The following STPG2 variants were observed in gnomAD, a reference collection of about 807,000 sequenced individuals.
The protein encoded by STPG2 is sperm-tail PG-rich repeat-containing protein 2.
STPG2 carries 56 observed loss-of-function variants against 54.2 expected under a neutral mutation model. The observed-to-expected ratio is 1.03, with a 90% CI of 0.83 to 1.29. The LOEUF is 1.29. STPG2 is among the 50% of genes most tolerant of loss of function. STPG2 has a pLI of 0.00. For missense variants in STPG2, 596 were observed against 544.9 expected, an observed-to-expected ratio of 1.09 and a Z score of -0.93; for synonymous variants, 200 against 181.8, an observed-to-expected ratio of 1.10 and a Z score of -0.81.
intron 5 of STPG2, among the ~76,000 whole-genome samples, chr4:98,068,458 T>C (rs1357404635): frequency 1.3e-5 from 2 of 152,260 alleles, no homozygotes; most frequent in Admixed American, 6.6e-5. Flanking sequence ...TAGAAGCTTA[T>C]TAAATATCTG....
intron 8 of STPG2, among the ~76,000 whole-genome samples, chr4:97,879,082 C>T (rs1033732328): frequency 2.0e-5 from 3 of 152,272 alleles, no homozygotes; most frequent in East Asian, 3.9e-4. Flanking sequence ...ACTCCAGTTC[C>T]CAACAAGTTC....
intron 10 of STPG2, among the ~76,000 whole-genome samples, chr4:97,652,035 T>C (rs573415823): frequency 6.6e-6 from 1 of 151,958 alleles, no homozygotes; most frequent in Non-Finnish European, 1.5e-5. Context: ...CTGCCTGACA[T>C]ATAATAAAAA....
chr4:97,894,513 T>TC (rs1730888658), intron 8 of STPG2, among the ~76,000 whole-genome samples: 1 of 151,948 alleles, frequency 6.6e-6, no homozygotes, highest in African/African-American at 2.4e-5. Flanking sequence ...TTCTAGCAAC[T>TC]CCCATTTCTT....
At chr4:97,846,623 C>CA (rs540016952) in intron 8 of STPG2, among the ~76,000 whole-genome samples, 1,631 of 67,712 alleles carry the variant, frequency 0.024, 27 homozygotes, top group African/African-American at 0.045. Context: ...GACTCCACCT[C>CA]AAAAAAAAAA....
chr4:97,635,287 G>T (rs547173054), intron 10 of STPG2, among the ~76,000 whole-genome samples: 15 of 152,240 alleles, frequency 9.9e-5, no homozygotes, highest in African/African-American at 3.6e-4. Context: ...GAGAAGCAAA[G>T]GCTGAGAGAT....
In STPG2 at chr4:97,957,456, T is replaced by C. The variant is rs138093585; in HGVS notation, c.934-13449A>G. ...GTTAAACGACCAAACCTAAGAATAA[T>C]TGAGAAAGAAGGGAAATCTAGAAGT... On this transcript the variant is annotated intron_variant, in intron 7 of 10. Transcript: ENST00000295268. Among the ~76,000 whole-genome samples, 662 of 151,764 alleles carry C rather than the reference T, an allele frequency of 4.4e-3. 4 individuals are homozygous for C. Among genetic ancestry groups the C allele is most frequent in the South Asian group, 0.024 (118 of 4,824 alleles).
intron 5 of STPG2, among the ~76,000 whole-genome samples, chr4:98,004,804 T>G (rs887199478): frequency 4.6e-5 from 7 of 152,168 alleles, no homozygotes; most frequent in Admixed American, 4.6e-4. Context: ...GAAAAGTCTA[T>G]TCAGGTTATT....
At chr4:97,901,449 G>GC (rs1462511649) in intron 8 of STPG2, among the ~76,000 whole-genome samples, 4 of 151,694 alleles carry the variant, frequency 2.6e-5, no homozygotes, top group Non-Finnish European at 4.4e-5. Context: ...AAAGACTACT[G>GC]CCCCCCCAAA....
chr4:97,793,421 T>C (rs962430474), intron 9 of STPG2, among the ~76,000 whole-genome samples: 2 of 151,488 alleles, frequency 1.3e-5, no homozygotes, highest in Non-Finnish European at 2.9e-5. Context: ...AGCATACATA[T>C]AAATTATTAA....
intron 9 of STPG2, among the ~76,000 whole-genome samples, chr4:97,728,701 G>A (rs1560504360): frequency 6.6e-6 from 1 of 151,830 alleles, no homozygotes; most frequent in Non-Finnish European, 1.5e-5. Context: ...AATTCATAAG[G>A]AGAATGCTCA....
chr4:97,892,436 C>T (rs1029856208), intron 8 of STPG2, among the ~76,000 whole-genome samples: 2 of 152,150 alleles, frequency 1.3e-5, no homozygotes, highest in Non-Finnish European at 2.9e-5. Flanking sequence ...TTCCTAATAC[C>T]CTATATGGCC....
chr4:97,459,974 G>A (rs959330799), intron 4 of STPG2, among the ~76,000 whole-genome samples: 1 of 152,142 alleles, frequency 6.6e-6, no homozygotes, highest in Non-Finnish European at 1.5e-5. Context: ...GAGAATGATA[G>A]TAGAAGCAAC....
intron 9 of STPG2, among the ~76,000 whole-genome samples, chr4:97,803,111 G>A (rs1727448308): frequency 6.6e-6 from 1 of 152,022 alleles, no homozygotes; most frequent in African/African-American, 2.4e-5. Context: ...TGGCTTCCAG[G>A]CCTACTCAAT....
At chr4:97,969,660 C>A (rs1321264294) in intron 7 of STPG2, among the ~76,000 whole-genome samples, 1 of 152,144 alleles carries the variant, frequency 6.6e-6, no homozygotes, top group Non-Finnish European at 1.5e-5. Flanking sequence ...TGGCACGTAT[C>A]TCAAAATAAT....
At chr4:97,926,271 C>T (rs566722456) in intron 8 of STPG2, among the ~76,000 whole-genome samples, 1 of 152,268 alleles carries the variant, frequency 6.6e-6, no homozygotes, top group South Asian at 2.1e-4. Context: ...ACTTCCCAAA[C>T]TCCAGTCTTA....
chr4:97,617,163 C>T (rs1398692596), intron 10 of STPG2, among the ~76,000 whole-genome samples: 1 of 151,424 alleles, frequency 6.6e-6, no homozygotes, highest in East Asian at 1.9e-4. Context: ...TAAATCTAAA[C>T]TGTTGTTCAT....
chr4:97,517,755 A>G (rs1012754547), intron 4 of STPG2, among the ~76,000 whole-genome samples: 1 of 152,094 alleles, frequency 6.6e-6, no homozygotes, highest in Non-Finnish European at 1.5e-5. Context: ...ACATTACTAA[A>G]TCCATTCCTA....
chr4:97,549,673 A>G (rs1731922169), intron 4 of STPG2, among the ~76,000 whole-genome samples: 1 of 152,196 alleles, frequency 6.6e-6, no homozygotes, highest in South Asian at 2.1e-4. Flanking sequence ...AGTTCCTTAT[A>G]AAGAGAAGAA....
chr4:97,778,042 G>C (rs368450811), intron 9 of STPG2, among the ~76,000 whole-genome samples: 10 of 152,104 alleles, frequency 6.6e-5, no homozygotes, highest in Non-Finnish European at 1.5e-4. Flanking sequence ...GGTTCATCTC[G>C]CTGGGGTTCG....
Sources: gnomAD v4.1 joint callset for allele counts (sites outside exome capture counted in the v4.1 genomes callset) on GRCh38, gnomAD v4.1.1 for gene constraint, MANE v1.5 for transcripts, NCBI Gene and HGNC (gene_info 2026-07-23, HGNC 2026-07-21) for gene names.